The following SASH1 variants were observed in gnomAD, a reference collection of about 807,000 sequenced individuals.
SASH1 encodes the protein SAM and SH3 domain containing 1.
Under a neutral mutation model 125.2 loss-of-function variants are expected in SASH1, and 44 were observed. The ratio of observed to expected loss-of-function variants is 0.35; its 90% CI spans 0.28 to 0.45. SASH1 has a LOEUF of 0.45. Ranked by LOEUF, SASH1 falls within the 20% of genes least tolerant of loss-of-function variation. The pLI is 1.00. For synonymous variants in SASH1, 639 were observed against 649.1 expected, an observed-to-expected ratio of 0.98 and a Z score of 0.24; for missense variants, 1,426 against 1,614.5, an observed-to-expected ratio of 0.88 and a Z score of 2.00.
chr6:148,367,565 G>T (rs1782521234), intron 1 of SASH1, among the ~76,000 whole-genome samples: 2 of 152,228 alleles, frequency 1.3e-5, no homozygotes, highest in Admixed American at 1.3e-4. Flanking sequence ...TTTCCTTGGG[G>T]AGGGTGGACC....
chr6:148,314,696 A>G (rs1455199687), intron 1 of SASH1, among the ~76,000 whole-genome samples: 1 of 152,142 alleles, frequency 6.6e-6, no homozygotes, highest in Non-Finnish European at 1.5e-5. Context: ...AGGGACAAGA[A>G]CGAGAAGGTG....
At chr6:148,450,430 G>A (rs944056341) in intron 4 of SASH1, among the ~76,000 whole-genome samples, 3 of 152,054 alleles carry the variant, frequency 2.0e-5, no homozygotes, top group African/African-American at 7.2e-5. Context: ...CCCCTTGGCT[G>A]TCTGAATTTC....
At chr6:148,301,070 G>A (rs1779928399) in intron 1 of SASH1, among the ~76,000 whole-genome samples, 1 of 151,802 alleles carries the variant, frequency 6.6e-6, no homozygotes, top group Non-Finnish European at 1.5e-5. Context: ...GCTCATACCT[G>A]TAATCCTAGC....
At chr6:148,324,216 G>C (rs924619993) in intron 1 of SASH1, among the ~76,000 whole-genome samples, 1 of 151,722 alleles carries the variant, frequency 6.6e-6, no homozygotes, top group Non-Finnish European at 1.5e-5. Flanking sequence ...AAGAACTGAG[G>C]AGAAGAGTGG....
intron 2 of SASH1, among the ~76,000 whole-genome samples, chr6:148,410,099 CTTTTTTTTT>C (rs869081496): frequency 9.0e-5 from 5 of 55,708 alleles, no homozygotes; most frequent in South Asian, 5.3e-4. Flanking sequence ...CAGAGCAGTC[CTTTTTTTTT>C]TTTTTTTTTT....
chr6:148,345,194 G>A (rs865794113), intron 1 of SASH1, among the ~76,000 whole-genome samples: 1 of 152,192 alleles, frequency 6.6e-6, no homozygotes, highest in Non-Finnish European at 1.5e-5. Context: ...TTGGGGGCCT[G>A]TTTAAATGAA....
rs1445866731 is a variant in SASH1, at chr6:148,445,151, A to G, written c.386+4744A>G. Among the ~76,000 whole-genome samples the G allele has an allele frequency of 5.3e-5, 8 of 152,302 alleles. No homozygotes were observed. In the East Asian group the frequency reaches 5.8e-4, roughly 11 times the overall value. On this transcript the variant is annotated intron_variant, in intron 4 of 19. Coordinates refer to ENST00000367467, the MANE Select transcript of SASH1 (RefSeq NM_015278.5). ...ATCTTGGATTTGGTGGGTTTTGGCAATCTTCTTTACTGCATCCTGTTTTAT... is the reference window on the plus strand; with the variant it reads ...ATCTTGGATTTGGTGGGTTTTGGCAGTCTTCTTTACTGCATCCTGTTTTAT...
chr6:148,346,835 C>T (rs1781537146), intron 1 of SASH1, among the ~76,000 whole-genome samples: 1 of 152,172 alleles, frequency 6.6e-6, no homozygotes, highest in African/African-American at 2.4e-5. Context: ...AAGCCCTGAG[C>T]TATTAAACCT....
chr6:148,537,548 A>AAAAC (rs773496470), intron 16 of SASH1, among the ~76,000 whole-genome samples: 12 of 150,988 alleles, frequency 7.9e-5, no homozygotes, highest in Non-Finnish European at 1.6e-4. Context: ...AGAGGAAAAG[A>AAAAC]AAACAAACAA....
intron 8 of SASH1, among the ~76,000 whole-genome samples, chr6:148,501,008 AT>A (rs1265618557): frequency 6.6e-6 from 1 of 152,140 alleles, no homozygotes. Flanking sequence ...TTGCTTATTT[AT>A]TCTGCAAACA....
chr6:148,334,005 G>A (rs1457339648), intron 1 of SASH1, among the ~76,000 whole-genome samples: 2 of 151,582 alleles, frequency 1.3e-5, no homozygotes, highest in Non-Finnish European at 2.9e-5. Flanking sequence ...TGTATTTTTA[G>A]TAGAGACGGG....
At chr6:148,220,643 G>T in the SASH1 span, among the ~76,000 whole-genome samples, 1 of 152,168 alleles carries the variant, frequency 6.6e-6, no homozygotes, top group East Asian at 1.9e-4. Flanking sequence ...GTCTGGACAT[G>T]GTGGCTCATG....
intron 1 of SASH1, among the ~76,000 whole-genome samples, chr6:148,322,884 T>TTTC (rs1491357355): frequency 8.2e-6 from 1 of 121,454 alleles, no homozygotes; most frequent in African/African-American, 3.0e-5. Context: ...TCTTTCTTTC[T>TTTC]TTTTCTTCTT....
the SASH1 span, among the ~76,000 whole-genome samples, chr6:148,203,316 C>T: frequency 6.6e-6 from 1 of 152,106 alleles, no homozygotes; most frequent in African/African-American, 2.4e-5. Context: ...AGTGATTTTC[C>T]CCTTCCTTAC....
At chr6:148,284,274 A>G (rs1779425728) in intron 1 of SASH1, among the ~76,000 whole-genome samples, 1 of 152,168 alleles carries the variant, frequency 6.6e-6, no homozygotes, top group Non-Finnish European at 1.5e-5. Flanking sequence ...CCCCGTCTCT[A>G]CTAAAAATAC....
At chr6:148,471,683 T>C (rs546757652) in intron 6 of SASH1, among the ~76,000 whole-genome samples, 180 bp downstream of exon 6, 1 of 152,284 alleles carries the variant, frequency 6.6e-6, no homozygotes, top group Non-Finnish European at 1.5e-5. Context: ...GATTTTCTTT[T>C]GTTTTAAGTC....
the SASH1 span, among the ~76,000 whole-genome samples, chr6:148,201,693 C>T: frequency 6.6e-6 from 1 of 152,160 alleles, no homozygotes; most frequent in African/African-American, 2.4e-5. Flanking sequence ...CTCCTGGGGC[C>T]TGTCGAAGAC....
chr6:148,270,904 C>CTTT (rs780443533), upstream of SASH1, among the ~76,000 whole-genome samples: 34 of 127,596 alleles, frequency 2.7e-4, no homozygotes, highest in Non-Finnish European at 3.1e-4. Context: ...TCATCCACAA[C>CTTT]TTTTTTTTTT....
chr6:148,488,757 T>C (rs1778979476), intron 8 of SASH1, among the ~76,000 whole-genome samples: 1 of 152,250 alleles, frequency 6.6e-6, no homozygotes, highest in African/African-American at 2.4e-5. Flanking sequence ...CACATGTTCA[T>C]TGGCCATTTG....
Sources: allele counts gnomAD v4.1 joint callset (sites outside exome capture counted in the v4.1 genomes callset), GRCh38; gene constraint gnomAD v4.1.1; transcripts MANE v1.5; gene names NCBI Gene and HGNC (gene_info 2026-07-23, HGNC 2026-07-21).